MYT1L: variants seen among roughly 807,000 people sequenced by gnomAD.
The protein encoded by MYT1L is myelin transcription factor 1 like, also known as myelin transcription factor 1-like protein.
In MYT1L, 12 loss-of-function variants were observed where a neutral mutation model predicts 126.7. The observed-to-expected ratio is 0.09, with a 90% CI of 0.06 to 0.15. The LOEUF is 0.15. Among genes scored for constraint, MYT1L ranks in the 10% least tolerant of loss-of-function variants. MYT1L has a pLI of 1.00. For synonymous variants in MYT1L, 541 were observed against 604.2 expected, an observed-to-expected ratio of 0.90 and a Z score of 1.53; for missense variants, 979 against 1,585.2, an observed-to-expected ratio of 0.62 and a Z score of 6.49.
chr2:2,170,512 A>G (rs1435129511), intron 3 of MYT1L, among the ~76,000 whole-genome samples: 1 of 152,240 alleles, frequency 6.6e-6, no homozygotes, highest in Non-Finnish European at 1.5e-5. Flanking sequence ...CTCTGGTTCT[A>G]CAAAAAAATG....
intron 3 of MYT1L, among the ~76,000 whole-genome samples, chr2:2,055,814 C>T (rs2069455721): frequency 6.6e-6 from 1 of 152,220 alleles, no homozygotes; most frequent in Admixed American, 6.5e-5. Context: ...ACTTACTCTA[C>T]TGGTAATCCT....
chr2:2,319,758 CATAT>C (rs60572138), intron 1 of MYT1L, among the ~76,000 whole-genome samples: 24 of 147,114 alleles, frequency 1.6e-4, no homozygotes, highest in African/African-American at 3.5e-4. Flanking sequence ...CAGAAATATG[CATAT>C]ATATATATAT....
intron 14 of MYT1L, among the ~76,000 whole-genome samples, chr2:1,902,295 C>T (rs139711055): frequency 2.6e-3 from 396 of 152,334 alleles, no homozygotes; most frequent in Non-Finnish European, 4.4e-3. Flanking sequence ...CCATGAAGCC[C>T]GTGGCACTGT....
chr2:2,000,009 A>G lies in MYT1L; in HGVS notation c.-157-2662T>C, dbSNP rs1438547695. On this transcript the variant is annotated intron_variant, in intron 4 of 24. Transcript: ENST00000647738. Reference sequence around the variant, plus strand: ...TTATGCTAGACAATGCTCCTTAAAGAGCCAACAGAACAAAGAATAATGATG... The same window carrying G: ...TTATGCTAGACAATGCTCCTTAAAGGGCCAACAGAACAAAGAATAATGATG... Among the ~76,000 whole-genome samples, 9 of 152,376 alleles carry G rather than the reference A, an allele frequency of 5.9e-5. No individual in the cohort carries two copies. In the East Asian group the frequency reaches 1.3e-3, roughly 23 times the overall value.
At chr2:2,322,003 T>A (rs563206895) in intron 1 of MYT1L, among the ~76,000 whole-genome samples, 1 of 152,084 alleles carries the variant, frequency 6.6e-6, no homozygotes, top group Non-Finnish European at 1.5e-5. Context: ...CTTACACACA[T>A]TTTCACACTG....
intron 2 of MYT1L, among the ~76,000 whole-genome samples, chr2:2,184,015 G>C (rs1328904282): frequency 6.7e-6 from 1 of 149,112 alleles, no homozygotes; most frequent in African/African-American, 2.5e-5. Context: ...AAGAGAAAGA[G>C]AGAAAGAAAG....
intron 2 of MYT1L, among the ~76,000 whole-genome samples, chr2:2,178,061 A>G (rs778596545): frequency 3.9e-5 from 6 of 152,122 alleles, no homozygotes; most frequent in Non-Finnish European, 8.8e-5. Context: ...CTGTTTATTT[A>G]TAAATAGATA....
intron 21 of MYT1L, among the ~76,000 whole-genome samples, chr2:1,826,736 C>T (rs1160870543): frequency 6.6e-6 from 1 of 151,662 alleles, no homozygotes; most frequent in Admixed American, 6.6e-5. Flanking sequence ...GGGCCTGAGG[C>T]AGAGCAGGGA....
chr2:1,974,518 A>C (rs933688551), intron 8 of MYT1L: 1 of 152,244 alleles, frequency 6.6e-6, no homozygotes, highest in Admixed American at 6.5e-5. Flanking sequence ...GTGACTGGCT[A>C]ATAATGACGT....
intron 8 of MYT1L, among the ~76,000 whole-genome samples, chr2:1,956,574 T>TTCTA (rs72311419): frequency 0.16 from 16,011 of 101,260 alleles, 1,269 homozygotes; most frequent in Admixed American, 0.18. Flanking sequence ...ATATTTCCTA[T>TTCTA]TCTATCTATC....
At chr2:1,918,698 C>A (rs1156964468) in intron 10 of MYT1L, among the ~76,000 whole-genome samples, 1 of 152,164 alleles carries the variant, frequency 6.6e-6, no homozygotes, top group East Asian at 1.9e-4. Flanking sequence ...CTCTCCTGTA[C>A]TGGAAACTCT....
At chr2:1,894,770 G>T (rs1377652766) in intron 14 of MYT1L, among the ~76,000 whole-genome samples, 3 of 152,192 alleles carry the variant, frequency 2.0e-5, no homozygotes, top group Admixed American at 1.3e-4. Context: ...ATGCTCAGGA[G>T]TGTGGGTGTG....
intron 9 of MYT1L, among the ~76,000 whole-genome samples, chr2:1,933,708 C>G (rs2055335977): frequency 6.6e-6 from 1 of 152,064 alleles, no homozygotes; most frequent in African/African-American, 2.4e-5. Context: ...GGCAACAGGC[C>G]CAGGACAGGG....
At chr2:2,107,618 T>A (rs2078911930) in intron 3 of MYT1L, among the ~76,000 whole-genome samples, 1 of 152,152 alleles carries the variant, frequency 6.6e-6, no homozygotes, top group Non-Finnish European at 1.5e-5. Flanking sequence ...TTATGTTACT[T>A]CTTCTCAGCA....
chr2:2,024,954 C>T (rs115360463), intron 4 of MYT1L, among the ~76,000 whole-genome samples: 2,529 of 152,364 alleles, frequency 0.017, 68 homozygotes, highest in African/African-American at 0.056. Flanking sequence ...CACAGCTGCC[C>T]GTGCCCAGGC....
chr2:1,864,550 C>T (rs2045200476), intron 18 of MYT1L, among the ~76,000 whole-genome samples: 1 of 152,204 alleles, frequency 6.6e-6, no homozygotes, highest in African/African-American at 2.4e-5. Context: ...TGGCCCTGTC[C>T]CCCAGTCGCC....
rs1018494244 is a variant in MYT1L at position 2,059,137 on chromosome 2, C to T, written c.-303-5014G>A. Among the ~76,000 whole-genome samples, 4 of 152,182 alleles carry T rather than the reference C, an allele frequency of 2.6e-5. No individual in the cohort carries two copies. Among genetic ancestry groups the T allele is most frequent in the Non-Finnish European group, 5.9e-5 (4 of 68,030 alleles). The stretch of plus-strand genomic sequence containing the variant: ...TATTCCTCAAAAGGTCTGCGTGTCA[C>T]CCACACTGGCGGGAACTGAATGGCC... On this transcript the variant is annotated intron_variant, in intron 3 of 24. Transcript: ENST00000647738. This position sits in a 1 kb window ranked among gnomAD's most constrained non-coding sequence, Gnocchi z 4.7.
chr2:1,875,943 A>G (rs1431518509), intron 18 of MYT1L, among the ~76,000 whole-genome samples: 1 of 152,194 alleles, frequency 6.6e-6, no homozygotes, highest in African/African-American at 2.4e-5. Flanking sequence ...TGTTACAGGA[A>G]AAACGCATTA....
chr2:2,238,148 G>A (rs1472295905), intron 2 of MYT1L, among the ~76,000 whole-genome samples: 3 of 152,160 alleles, frequency 2.0e-5, no homozygotes, highest in African/African-American at 7.2e-5. Flanking sequence ...CAGAGAACAT[G>A]GGGTCAGGGG....
Sources: allele counts gnomAD v4.1 joint callset (sites outside exome capture counted in the v4.1 genomes callset), GRCh38; gene constraint gnomAD v4.1.1; non-coding constraint Gnocchi (gnomAD v3.1); transcripts MANE v1.5; gene names NCBI Gene and HGNC (gene_info 2026-07-23, HGNC 2026-07-21).